ADIPOR2: variants seen among roughly 807,000 people sequenced by gnomAD.
ADIPOR2 encodes the protein adiponectin receptor protein 2.
A neutral mutation model predicts 40.9 loss-of-function variants in ADIPOR2; 18 were observed. That is an observed-to-expected ratio of 0.44 (90% CI 0.30 to 0.65). The LOEUF (loss-of-function observed/expected upper bound fraction) is 0.65. ADIPOR2 is among the 30% of genes least tolerant of loss of function. The pLI, the probability that ADIPOR2 is intolerant of heterozygous loss-of-function variation, is 0.09. For synonymous variants in ADIPOR2, 165 were observed against 166.4 expected (o/e 0.99, Z 0.06); for missense variants, 283 against 479.2 (o/e 0.59, Z 3.82).
intron 1 of ADIPOR2, among the ~76,000 whole-genome samples, chr12:1,739,881 A>G (rs928356794): frequency 1.4e-4 from 22 of 152,124 alleles, no homozygotes; most frequent in Non-Finnish European, 5.9e-5. Context: ...TGGGTAGATC[A>G]CCTGTGGTCA....
intron 1 of ADIPOR2, among the ~76,000 whole-genome samples, chr12:1,736,391 T>C (rs2094730773): frequency 6.6e-6 from 1 of 152,266 alleles, no homozygotes; most frequent in African/African-American, 2.4e-5. Context: ...TAGAGGTGTT[T>C]ATAGTATTCT....
At chr12:1,711,657 T>A (rs2094677438) in intron 1 of ADIPOR2, among the ~76,000 whole-genome samples, 1 of 151,814 alleles carries the variant, frequency 6.6e-6, no homozygotes, top group African/African-American at 2.4e-5. Context: ...TCTTTCTGAC[T>A]TCTTTTCTGT....
At position 1,754,699 on chromosome 12, in the gene ADIPOR2, T is replaced by TACTAC. The variant is rs1862079322; in HGVS notation, c.171+185_171+186insACTAC. The stretch of plus-strand genomic sequence containing the variant: ...AAGTCTCTTATCTTTATTATTATTA[T>TACTAC]TACTACTACTACTACTACTACTACT... On this transcript the variant is annotated intron_variant, in intron 2 of 7. Coordinates refer to ENST00000357103, the MANE Select transcript of ADIPOR2 (RefSeq NM_024551.3). Among the ~76,000 whole-genome samples, 131 of 103,608 alleles carry TACTAC rather than the reference T, an allele frequency of 1.3e-3. 2 individuals carry two copies. The highest frequency in any genetic ancestry group is 5.4e-3 in the Middle Eastern group (1 of 184). 68.0% of individuals were successfully genotyped at this position (103,608 alleles called of 152,430 possible). A position where few individuals can be genotyped will look rare whatever the true frequency, so the allele number is the denominator to read the frequency against.
chr12:1,771,872 G>A (rs1276857641), intron 2 of ADIPOR2, among the ~76,000 whole-genome samples: 4 of 152,166 alleles, frequency 2.6e-5, no homozygotes, highest in African/African-American at 9.7e-5. Context: ...TGGTTCTCTT[G>A]TGCTGTCTTA....
At chr12:1,777,037 T>G (rs1862608730) in intron 3 of ADIPOR2, among the ~76,000 whole-genome samples, 1 of 152,206 alleles carries the variant, frequency 6.6e-6, no homozygotes, top group Non-Finnish European at 1.5e-5. Context: ...GTGCTCTTTC[T>G]TTTCTGCCTC....
At chr12:1,785,614 G>T (rs1218681751) in intron 7 of ADIPOR2, among the ~76,000 whole-genome samples, 1 of 51,174 alleles carries the variant, frequency 2.0e-5, no homozygotes, top group African/African-American at 4.2e-5. Context: ...TGGCCTGTTA[G>T]CAAGAGAGTC....
At chr12:1,769,920 ATT>A (rs113858183) in intron 2 of ADIPOR2, among the ~76,000 whole-genome samples, 14 of 140,314 alleles carry the variant, frequency 1.0e-4, no homozygotes, top group Admixed American at 1.4e-4. Flanking sequence ...TACTAAAGTA[ATT>A]TTTTTTTTTT....
intron 2 of ADIPOR2, among the ~76,000 whole-genome samples, chr12:1,763,375 T>C (rs67567175): frequency 0.14 from 20,643 of 152,224 alleles, 1,578 homozygotes; most frequent in African/African-American, 0.2. Context: ...TTTCTTCTTT[T>C]GTAAATGCAG....
At chr12:1,714,399 C>A (rs2052114334) in intron 1 of ADIPOR2, among the ~76,000 whole-genome samples, 1 of 152,194 alleles carries the variant, frequency 6.6e-6, no homozygotes, top group Non-Finnish European at 1.5e-5. Flanking sequence ...GAGCTTTATC[C>A]TGATATCTGC....
At position 1,691,142 on chromosome 12, in the gene ADIPOR2, C is replaced by G. The variant is rs888887274; in HGVS notation, c.-136C>G. 1.9e-5 allele frequency: 3 copies of G among 157,598 alleles called. No individual in the cohort carries two copies. Among genetic ancestry groups the G allele is most frequent in the African/African-American group, 7.2e-5 (3 of 41,446 alleles). The allele number at this position is 157,598 out of a possible 1,614,324, so 9.8% of individuals were successfully genotyped here. A position where few individuals can be genotyped will look rare whatever the true frequency, so the allele number is the denominator to read the frequency against. On this transcript the variant is annotated 5_prime_UTR_variant, in exon 1 of 8. Coordinates refer to ENST00000357103, the MANE Select transcript of ADIPOR2 (RefSeq NM_024551.3). ...GGCCCCCTCCCTCCTCCGTTCCCCC[C>G]TCCTCCCCCCTCCCCTCAGCGGTGG...
At chr12:1,726,099 G>A (rs190261942) in intron 1 of ADIPOR2, among the ~76,000 whole-genome samples, 1 of 152,180 alleles carries the variant, frequency 6.6e-6, no homozygotes, top group African/African-American at 2.4e-5. Context: ...AGAGAAAATT[G>A]CTTTTGAGGT....
Position 1,754,332 on chromosome 12 carries a change from C to T in ADIPOR2, c.-12C>T, listed in dbSNP as rs773501817. 5.7e-5 allele frequency: 90 copies of T among 1,582,072 alleles called. 2 individuals carry two copies. Among genetic ancestry groups the T allele is most frequent in the Admixed American group, 1.6e-4 (9 of 55,586 alleles). ...AAGACAGATCTATTTGTAAGAAAGG[C>T]TTGGGTATCCCATGAACGAGCCAAC... On this transcript the variant is annotated 5_prime_UTR_variant, in exon 2 of 8. Transcript: ENST00000357103.
intron 1 of ADIPOR2, among the ~76,000 whole-genome samples, chr12:1,692,409 A>G (rs1418030659): frequency 6.6e-6 from 1 of 152,240 alleles, no homozygotes; most frequent in African/African-American, 2.4e-5. Context: ...ATCTGCAACT[A>G]AAATTATTTC....
chr12:1,769,282 G>C (rs1215015679), intron 2 of ADIPOR2, among the ~76,000 whole-genome samples: 2 of 152,058 alleles, frequency 1.3e-5, no homozygotes, highest in Non-Finnish European at 2.9e-5. Context: ...TTTTTATCCT[G>C]TTTTAGCCAG....
intron 2 of ADIPOR2, among the ~76,000 whole-genome samples, chr12:1,769,920 A>ATT (rs113858183): frequency 9.3e-5 from 13 of 140,494 alleles, no homozygotes; most frequent in East Asian, 4.2e-4. Flanking sequence ...TACTAAAGTA[A>ATT]TTTTTTTTTT....
chr12:1,726,645 C>G (rs2094708589), intron 1 of ADIPOR2, among the ~76,000 whole-genome samples: 1 of 149,654 alleles, frequency 6.7e-6, no homozygotes, highest in African/African-American at 2.4e-5. Flanking sequence ...GTGATCCTTG[C>G]TTGTCCTCAC....
chr12:1,781,989 T>C (rs1862729103), intron 6 of ADIPOR2, among the ~76,000 whole-genome samples: 1 of 152,230 alleles, frequency 6.6e-6, no homozygotes. Context: ...GATAAGAATG[T>C]CTTTGCTGAG....
Position 1,781,006 on chromosome 12 carries a change from G to A in ADIPOR2, c.768G>A (p.Leu256=). Residue 256 remains leucine (L), a synonymous_variant, in exon 6 of 8, where the codon CTG becomes CTA. Transcript: ENST00000357103. ...TCTACTTGATTGTCATCTGTGTGCT[G>A]GGCATTGCAGCCATTATAGTCTCCC... is the stretch of plus-strand genomic sequence containing the variant. The part of the protein sequence containing the change: ...CFIYLIVICV[L]GIAAIIVSQW... 6.2e-7 allele frequency: 1 copy of A among 1,613,652 alleles called. No individual in the cohort carries two copies. The highest frequency in any genetic ancestry group is 8.5e-7 in the Non-Finnish European group (1 of 1,179,842).
intron 1 of ADIPOR2, among the ~76,000 whole-genome samples, chr12:1,705,986 T>G (rs2094661441): frequency 6.6e-6 from 1 of 152,218 alleles, no homozygotes; most frequent in South Asian, 2.1e-4. Flanking sequence ...TCATAAGGAT[T>G]GTTGGAGATG....
Sources: gnomAD v4.1 joint callset for allele counts (sites outside exome capture counted in the v4.1 genomes callset) on GRCh38, gnomAD v4.1.1 for gene constraint, MANE v1.5 for transcripts, NCBI Gene and HGNC (gene_info 2026-07-23, HGNC 2026-07-21) for gene names.